The following TTLL1 variants were observed in gnomAD, a reference collection of about 807,000 sequenced individuals.
TTLL1 encodes the protein TTL family tubulin polyglutamylase complex subunit L1, also known as polyglutamylase complex subunit TTLL1.
TTLL1 carries 33 observed loss-of-function variants against 47.8 expected under a neutral mutation model. That is an observed-to-expected ratio of 0.69 (90% CI 0.52 to 0.92). TTLL1 has a LOEUF of 0.92. Ranked by LOEUF, TTLL1 falls within the 40% of genes least tolerant of loss-of-function variation. The pLI is 0.00. For missense variants in TTLL1, 488 were observed against 547.5 expected (o/e 0.89, Z 1.08); for synonymous variants, 225 against 214.1 (o/e 1.05, Z -0.45).
chr22:43,076,198 G>C (rs1928472566), intron 2 of TTLL1, among the ~76,000 whole-genome samples: 1 of 152,360 alleles, frequency 6.6e-6, no homozygotes, highest in Middle Eastern at 3.4e-3. Flanking sequence ...GCTCATGCCT[G>C]TAATCCCAGC....
At position 43,039,820 on chromosome 22, in the gene TTLL1, G is replaced by A. The variant is rs202040084; in HGVS notation, c.1228C>T (p.Arg410Ter). The A allele has an allele frequency of 1.9e-6, 3 of 1,613,840 alleles. No homozygotes were observed. Among genetic ancestry groups the A allele is most frequent in the Non-Finnish European group, 2.5e-6 (3 of 1,179,952 alleles). ...QGQSLGPRAGRSRDSGRAVLT... is the reference protein window; with the variant it reads ...QGQSLGPRAG ...ACCGCTCTCCCCGAGTCTCTCGATC[G>A]GCCTGCTCTGGGCCCCAGAGACTGA... The change falls in exon 11 of 11, where the codon CGA becomes TGA. Residue 410 changes from arginine (R) to a stop codon, truncating the protein, a stop_gained. Coordinates refer to ENST00000266254, the MANE Select transcript of TTLL1 (RefSeq NM_012263.5). LOFTEE classifies it high-confidence loss of function.
intron 10 of TTLL1, 133 bp downstream of exon 10, chr22:43,046,277 A>G: frequency 1.0e-6 from 1 of 952,748 alleles, no homozygotes; most frequent in Non-Finnish European, 1.6e-6. Flanking sequence ...GATCTATCCC[A>G]TCATGTCATT....
chr22:43,085,896 G>A (rs962156579), intron 1 of TTLL1, among the ~76,000 whole-genome samples: 5 of 152,128 alleles, frequency 3.3e-5, no homozygotes, highest in Non-Finnish European at 7.4e-5. Flanking sequence ...GCTGGCTCAG[G>A]AGCGGGCTGG....
intron 9 of TTLL1, among the ~76,000 whole-genome samples, chr22:43,050,277 G>A (rs536441980): frequency 5.7e-4 from 82 of 143,548 alleles, no homozygotes; most frequent in Admixed American, 1.6e-3. Context: ...TTAGCTGGGC[G>A]TGGTGGTGCA....
chr22:43,048,543 G>T (rs1248419092), intron 9 of TTLL1, among the ~76,000 whole-genome samples: 2 of 151,736 alleles, frequency 1.3e-5, no homozygotes, highest in Non-Finnish European at 2.9e-5. Context: ...GGAGGCTGAG[G>T]TGAGAAGGAT....
At position 43,069,530 on chromosome 22, in the gene TTLL1, ACATGCTCACG is replaced by A. The variant is rs548886157; in HGVS notation, c.322+96_322+105del. 533 of 1,553,194 alleles carry A rather than the reference ACATGCTCACG, an allele frequency of 3.4e-4. 1 individual carries two copies. The East Asian group carries it at 0.012, about 34-fold the overall frequency. On this transcript the variant is annotated intron_variant, in intron 4 of 10. Coordinates refer to ENST00000266254, the MANE Select transcript of TTLL1 (RefSeq NM_012263.5). ...ACAGGTGCCACCACAACTCGCATGGACATGCTCACGCATCAAAGCCAACAGTCACCACCTC... is the reference window on the plus strand; with the variant it reads ...ACAGGTGCCACCACAACTCGCATGGACATCAAAGCCAACAGTCACCACCTC...
Position 43,081,654 on chromosome 22 carries a change from T to C in TTLL1, c.-89-1668A>G, listed in dbSNP as rs7289862. 6.3e-3 allele frequency among the ~76,000 whole-genome samples: 931 copies of C among 147,410 alleles called. 9 individuals are homozygous for C. The highest frequency in any genetic ancestry group is 0.022 in the African/African-American group (879 of 39,646). On this transcript the variant is annotated intron_variant, in intron 1 of 10. Coordinates refer to ENST00000266254, the MANE Select transcript of TTLL1 (RefSeq NM_012263.5). ...AACCTCCGCCTCCTGGGTTCAAGCA[T>C]TCTCTGCCTCAGCCTCCCAAGTAGC...
intron 3 of TTLL1, among the ~76,000 whole-genome samples, chr22:43,074,556 G>A (rs190607685): frequency 4.0e-5 from 6 of 150,642 alleles, no homozygotes; most frequent in Admixed American, 6.6e-5. Flanking sequence ...GAATAGCTCC[G>A]AAGGCTGGGT....
intron 9 of TTLL1, among the ~76,000 whole-genome samples, chr22:43,049,011 T>A (rs1926380095): frequency 6.6e-6 from 1 of 151,788 alleles, no homozygotes; most frequent in Non-Finnish European, 1.5e-5. Flanking sequence ...GGCGAGAGTT[T>A]AAAAACTCCG....
intron 2 of TTLL1, among the ~76,000 whole-genome samples, chr22:43,079,201 CCG>C (rs1928715199): frequency 8.2e-5 from 7 of 85,130 alleles, no homozygotes; most frequent in Non-Finnish European, 2.1e-4. Flanking sequence ...ACCACGGGAG[CCG>C]CACCCCAGAG....
intron 8 of TTLL1, among the ~76,000 whole-genome samples, chr22:43,055,504 G>A (rs956724149): frequency 1.3e-5 from 2 of 151,920 alleles, no homozygotes; most frequent in Non-Finnish European, 2.9e-5. Flanking sequence ...GCTAATTTTT[G>A]TATTTTTTGT....
At chr22:43,070,214 T>C (rs1402598091) in intron 3 of TTLL1, 1 of 1,329,704 alleles carries the variant, frequency 7.5e-7, no homozygotes, top group East Asian at 5.1e-5. Flanking sequence ...AAACAGGATC[T>C]GTACCGAAAT....
At chr22:43,075,164 T>G (rs1193973132) in intron 3 of TTLL1, among the ~76,000 whole-genome samples, 1 of 152,034 alleles carries the variant, frequency 6.6e-6, no homozygotes, top group East Asian at 1.9e-4. Context: ...GACTCTGTCC[T>G]GTCCTCTGGC....
intron 2 of TTLL1, 81 bp from the exon 3 acceptor site, chr22:43,075,671 T>G: frequency 8.1e-7 from 1 of 1,238,256 alleles, no homozygotes; most frequent in Non-Finnish European, 1.2e-6. Flanking sequence ...CTAAACAGCA[T>G]GCCCATCCCA....
intron 5 of TTLL1, among the ~76,000 whole-genome samples, chr22:43,065,455 A>G (rs1414705312): frequency 6.6e-6 from 1 of 151,812 alleles, no homozygotes; most frequent in Non-Finnish European, 1.5e-5. Context: ...ATGCCTGGCT[A>G]ATTTTTGTAT....
At chr22:43,083,079 T>C (rs1473399940) in intron 1 of TTLL1, among the ~76,000 whole-genome samples, 3 of 150,482 alleles carry the variant, frequency 2.0e-5, no homozygotes, top group African/African-American at 7.3e-5. Flanking sequence ...TAAAAATACA[T>C]ATATAGGCTG....
intron 1 of TTLL1, among the ~76,000 whole-genome samples, chr22:43,083,279 G>A (rs1433371863): frequency 6.6e-6 from 1 of 152,142 alleles, no homozygotes; most frequent in Non-Finnish European, 1.5e-5. Context: ...TGAGGCAGGA[G>A]AATGGTGTGA....
intron 6 of TTLL1, 121 bp from the exon 7 acceptor site, chr22:43,064,042 G>T: frequency 4.1e-6 from 6 of 1,475,900 alleles, no homozygotes; most frequent in Non-Finnish European, 3.7e-6. Flanking sequence ...TCGGCATCGG[G>T]CCTGACTGCT....
chr22:43,058,090 C>G (rs1927143989), intron 8 of TTLL1, among the ~76,000 whole-genome samples: 2 of 151,956 alleles, frequency 1.3e-5, no homozygotes, highest in Admixed American at 1.3e-4. Context: ...ACTACAGGCG[C>G]CCACTACCAC....
Sources: gnomAD v4.1 joint callset for allele counts (sites outside exome capture counted in the v4.1 genomes callset) on GRCh38, gnomAD v4.1.1 for gene constraint, MANE v1.5 for transcripts, NCBI Gene and HGNC (gene_info 2026-07-23, HGNC 2026-07-21) for gene names.